Variants in SEC61A2 observed in about 807,000 individuals in gnomAD.
The protein encoded by SEC61A2 is SEC61 translocon subunit alpha 2, also known as protein transport protein Sec61 subunit alpha isoform 2.
A neutral mutation model predicts 59.9 loss-of-function variants in SEC61A2; 28 were observed. That is an observed-to-expected ratio of 0.47 (90% CI 0.35 to 0.64). The LOEUF is 0.64. SEC61A2 is among the 30% of genes least tolerant of loss of function. The pLI, the probability that SEC61A2 is intolerant of heterozygous loss-of-function variation, is 0.01. For missense variants in SEC61A2, 340 were observed against 585.9 expected, an observed-to-expected ratio of 0.58 and a Z score of 4.33; for synonymous variants, 202 against 214.4, an observed-to-expected ratio of 0.94 and a Z score of 0.50.
At chr10:12,150,032 T>C in intron 6 of SEC61A2, 71 bp downstream of exon 6, 1 of 967,692 alleles carries the variant, frequency 1.0e-6, no homozygotes, top group Non-Finnish European at 1.6e-6. Flanking sequence ...CTAACAGTTC[T>C]TTAGGTGATT....
intron 3 of SEC61A2, among the ~76,000 whole-genome samples, chr10:12,136,565 T>C (rs1588630555): frequency 6.6e-6 from 1 of 152,312 alleles, no homozygotes; most frequent in East Asian, 1.9e-4. Flanking sequence ...TCTTCTTCCT[T>C]GGGCTCCCAA....
In SEC61A2 at chr10:12,160,781, C is replaced by A. The variant is rs1004369934; in HGVS notation, c.976-149C>A. ...TTTGAAGGAGTGAAGGTAGTAGACA[C>A]AAAAGTACATTCTGAAACTACATAG... On this transcript the variant is annotated intron_variant, in intron 9 of 11. Coordinates refer to ENST00000298428, the MANE Select transcript of SEC61A2 (RefSeq NM_018144.4). This position sits in a 1 kb window ranked among gnomAD's most constrained non-coding sequence, Gnocchi z 4.1. 1.3e-5 allele frequency: 8 copies of A among 593,856 alleles called. No homozygotes were observed. Among genetic ancestry groups the A allele is most frequent in the Non-Finnish European group, 2.3e-5 (8 of 345,390 alleles). 36.8% of individuals were successfully genotyped at this position (593,856 alleles called of 1,614,324 possible). A position where few individuals can be genotyped will look rare whatever the true frequency, so the allele number is the denominator to read the frequency against.
intron 3 of SEC61A2, among the ~76,000 whole-genome samples, chr10:12,141,744 C>T (rs1295880703): frequency 2.6e-5 from 4 of 152,190 alleles, no homozygotes; most frequent in African/African-American, 4.8e-5. Context: ...AACAGTCGCA[C>T]TCCTGAATTT....
chr10:12,162,309 A>AGG lies in SEC61A2; in HGVS notation c.1244+20_1244+21insGG. On this transcript the variant is annotated intron_variant, in intron 11 of 11. Coordinates refer to ENST00000298428, the MANE Select transcript of SEC61A2 (RefSeq NM_018144.4). The surrounding 1 kb of genome is among the most constrained non-coding windows in gnomAD (Gnocchi z 6.1). ...TAATAGGTAAGGCTGCTAGACTGAC[A>AGG]CCTTTATAGGCCTGTGTTTGTGTTT... 6.4e-7 allele frequency: 1 copy of AGG among 1,573,668 alleles called. No homozygotes were observed. Among genetic ancestry groups the AGG allele is most frequent in the Non-Finnish European group, 8.7e-7 (1 of 1,143,628 alleles).
At chr10:12,135,904 T>C (rs1022295924) in intron 2 of SEC61A2, among the ~76,000 whole-genome samples, 1 of 152,206 alleles carries the variant, frequency 6.6e-6, no homozygotes, top group African/African-American at 2.4e-5. Flanking sequence ...TATGTGTGCG[T>C]GTGTGTATAT....
rs929120459 is a variant in SEC61A2 at position 12,152,310 on chromosome 10, C to A, written c.462+2349C>A. ...GGCCAGGCTGGTCTTGAACTTCTGACCTTAGGTGATCCACCCGCCTCGGCC... is the reference window on the plus strand; with the variant it reads ...GGCCAGGCTGGTCTTGAACTTCTGAACTTAGGTGATCCACCCGCCTCGGCC... On this transcript the variant is annotated intron_variant, in intron 6 of 11. Coordinates refer to ENST00000298428, the MANE Select transcript of SEC61A2 (RefSeq NM_018144.4). The surrounding 1 kb of genome is among the most constrained non-coding windows in gnomAD (Gnocchi z 5.5). 2.0e-5 allele frequency among the ~76,000 whole-genome samples: 3 copies of A among 151,396 alleles called. No homozygotes were observed. Among genetic ancestry groups the A allele is most frequent in the Non-Finnish European group, 2.9e-5 (2 of 67,908 alleles).
rs548497863 is a variant in SEC61A2, at chr10:12,156,909, A to C, written c.619A>C (p.Thr207Pro). The change falls in exon 8 of 12, where the codon ACT becomes CCT. Residue 207 changes from threonine (T) to proline (P), a missense_variant and splice_region_variant. Thr to Pro is a conservative substitution (Grantham distance 38, BLOSUM62 -1). Transcript: ENST00000298428. The surrounding 1 kb of genome is among the most constrained non-coding windows in gnomAD (Gnocchi z 5.2). The part of the protein sequence containing the change: ...SPTTINTGRG[T>P]EFEGAVIALF... ...TCGTGTCTGTCTTGATTTTACAGGT[A>C]CTGAGTTTGAGGGTGCAGTCATAGC... is the stretch of plus-strand genomic sequence containing the variant. 1 of 1,613,588 alleles carries C rather than the reference A, an allele frequency of 6.2e-7. No individual in the cohort carries two copies. The highest frequency in any genetic ancestry group is 8.5e-7 in the Non-Finnish European group (1 of 1,179,804).
chr10:12,141,564 T>C (rs117793422), intron 3 of SEC61A2, among the ~76,000 whole-genome samples: 5,428 of 152,268 alleles, frequency 0.036, 150 homozygotes, highest in Non-Finnish European at 0.049. Flanking sequence ...ATTTGATACA[T>C]ATGAAAAGAA....
At chr10:12,167,609 G>A, downstream of SEC61A2, 1 of 1,242,272 alleles carries the variant, frequency 8.0e-7, no homozygotes, top group Non-Finnish European at 1.2e-6. Context: ...AAAAGCTAAT[G>A]GCAAATCTAC....
chr10:12,137,881 A>T (rs142997588), intron 3 of SEC61A2, among the ~76,000 whole-genome samples: 7 of 152,098 alleles, frequency 4.6e-5, no homozygotes, highest in Non-Finnish European at 1.5e-5. Context: ...TGGCGTGCAC[A>T]TGTAATCCCA....
chr10:12,131,744 G>A (rs1833743768), intron 1 of SEC61A2, among the ~76,000 whole-genome samples: 2 of 127,672 alleles, frequency 1.6e-5, no homozygotes, highest in Admixed American at 8.7e-5. Context: ...AGGCTGGAGT[G>A]CAATGGCTCC....
At position 12,149,741 on chromosome 10, in the gene SEC61A2, A is replaced by G. The variant is rs1195262483; in HGVS notation, c.352+15A>G. 3.1e-6 allele frequency: 5 copies of G among 1,607,372 alleles called. No homozygotes were observed. Among genetic ancestry groups the G allele is most frequent in the African/African-American group, 1.3e-5 (1 of 74,626 alleles). Reference sequence around the variant, plus strand: ...AGCCCAGAAACGTGAGCATTAATGCAATTAAAGAGCATTCTCCAAATTTGA... The same window carrying G: ...AGCCCAGAAACGTGAGCATTAATGCGATTAAAGAGCATTCTCCAAATTTGA... On this transcript the variant is annotated intron_variant, in intron 5 of 11. Transcript: ENST00000298428. The surrounding 1 kb of genome is among the most constrained non-coding windows in gnomAD (Gnocchi z 5.2).
chr10:12,154,561 A>C lies in SEC61A2; in HGVS notation c.463-1217A>C, dbSNP rs1482727716. Among the ~76,000 whole-genome samples the C allele has an allele frequency of 1.3e-5, 2 of 152,304 alleles. No individual in the cohort carries two copies. The highest frequency in any genetic ancestry group is 3.9e-4 in the East Asian group (2 of 5,182). ...ATCGGTAGTAAGTCCTAACCTCTAC[A>C]TTATTTTGTCAAAATGTCGAACTTG... On this transcript the variant is annotated intron_variant, in intron 6 of 11. Transcript: ENST00000298428. This position sits in a 1 kb window ranked among gnomAD's most constrained non-coding sequence, Gnocchi z 5.2.
At chr10:12,136,286 G>A (rs1217797722) in intron 3 of SEC61A2, 116 bp downstream of exon 3, 2 of 607,412 alleles carry the variant, frequency 3.3e-6, no homozygotes, top group Non-Finnish European at 5.8e-6. Flanking sequence ...AATATATTGA[G>A]CATTATTATC....
At chr10:12,168,442 A>G (rs541112941), downstream of SEC61A2, among the ~76,000 whole-genome samples, 325 of 152,328 alleles carry the variant, frequency 2.1e-3, no homozygotes, top group African/African-American at 7.5e-3. This position sits in a 1 kb window ranked among gnomAD's most constrained non-coding sequence, Gnocchi z 4.8. Context: ...ATGATTATGT[A>G]GGATCTTAGG....
At position 12,155,300 on chromosome 10, in the gene SEC61A2, T is replaced by G; in HGVS notation, c.463-478T>G. 2 of 1,526,974 alleles carry G rather than the reference T, an allele frequency of 1.3e-6. No individual in the cohort carries two copies. The highest frequency in any genetic ancestry group is 1.8e-6 in the Non-Finnish European group (2 of 1,136,718). The allele number at this position is 1,526,974 out of a possible 1,614,324, so 94.6% of individuals were successfully genotyped here. Reference sequence around the variant, plus strand: ...TACATATATATAATATATATAATGCTTTTTTCAAAGGATCAACACAGCCCT... The same window carrying G: ...TACATATATATAATATATATAATGCGTTTTTCAAAGGATCAACACAGCCCT... On this transcript the variant is annotated intron_variant, in intron 6 of 11. Transcript: ENST00000298428. This position sits in a 1 kb window ranked among gnomAD's most constrained non-coding sequence, Gnocchi z 4.3.
Position 12,143,014 on chromosome 10 carries a change from G to A in SEC61A2, c.142-103G>A, listed in dbSNP as rs1032336340. ...GTCACCCAGGCTGGAGTGCAGTGGCGTGATCTCAGCTCACTGCAGCCTTTG... is the reference window on the plus strand; with the variant it reads ...GTCACCCAGGCTGGAGTGCAGTGGCATGATCTCAGCTCACTGCAGCCTTTG... On this transcript the variant is annotated intron_variant, in intron 3 of 11. Coordinates refer to ENST00000298428, the MANE Select transcript of SEC61A2 (RefSeq NM_018144.4). This position sits in a 1 kb window ranked among gnomAD's most constrained non-coding sequence, Gnocchi z 4.8. 2.5e-6 allele frequency: 2 copies of A among 816,042 alleles called. No homozygotes were observed. The highest frequency in any genetic ancestry group is 1.4e-5 in the South Asian group (1 of 70,524). The allele number at this position is 816,042 out of a possible 1,614,324, so 50.6% of individuals were successfully genotyped here.
At chr10:12,169,646 T>C (rs1478884619), downstream of SEC61A2, 4 of 251,422 alleles carry the variant, frequency 1.6e-5, no homozygotes, top group Non-Finnish European at 3.0e-5. The surrounding 1 kb of genome is among the most constrained non-coding windows in gnomAD (Gnocchi z 4.8). Flanking sequence ...GGTCTAGTTT[T>C]TGGAAAGGTG....
At position 12,160,349 on chromosome 10, in the gene SEC61A2, C is replaced by A. The variant is rs373095469; in HGVS notation, c.976-581C>A. ...TAAAAATTGGTTTCTCACCCCCTAT[C>A]TGTATACCCCAAAACTTTATTTAAT... is the stretch of plus-strand genomic sequence containing the variant. On this transcript the variant is annotated intron_variant, in intron 9 of 11. Coordinates refer to ENST00000298428, the MANE Select transcript of SEC61A2 (RefSeq NM_018144.4). The surrounding 1 kb of genome is among the most constrained non-coding windows in gnomAD (Gnocchi z 4.1). Among the ~76,000 whole-genome samples the A allele has an allele frequency of 3.9e-5, 6 of 152,300 alleles. No homozygotes were observed. Among genetic ancestry groups the A allele is most frequent in the African/African-American group, 1.4e-4 (6 of 41,576 alleles).
Sources: allele counts gnomAD v4.1 joint callset (sites outside exome capture counted in the v4.1 genomes callset), GRCh38; gene constraint gnomAD v4.1.1; non-coding constraint Gnocchi (gnomAD v3.1); transcripts MANE v1.5; gene names NCBI Gene and HGNC (gene_info 2026-07-23, HGNC 2026-07-21).